The following PCDHA2 variants were observed in gnomAD, a reference collection of about 807,000 sequenced individuals.
The protein encoded by PCDHA2 is protocadherin alpha 2.
Under a neutral mutation model 66.0 loss-of-function variants are expected in PCDHA2, and 58 were observed. That is an observed-to-expected ratio of 0.88 (90% CI 0.71 to 1.09). The LOEUF (loss-of-function observed/expected upper bound fraction) is 1.09. Among genes scored for constraint, PCDHA2 ranks in the 50% least tolerant of loss-of-function variants. PCDHA2 has a pLI of 0.00. For missense variants in PCDHA2, 1,267 were observed against 1,242.3 expected (o/e 1.02, Z -0.30); for synonymous variants, 634 against 554.0 (o/e 1.14, Z -2.03).
At chr5:140,903,183 T>A (rs1392196705) in intron 1 of PCDHA2, among the ~76,000 whole-genome samples, 3 of 152,194 alleles carry the variant, frequency 2.0e-5, no homozygotes, top group Admixed American at 2.0e-4. Flanking sequence ...CCACCAATAG[T>A]ATAAAAGAGT....
At chr5:140,884,410 G>A (rs1562804321) in intron 1 of PCDHA2, 1 of 1,614,004 alleles carries the variant, frequency 6.2e-7, no homozygotes, top group Non-Finnish European at 8.5e-7. Context: ...TGGTGCTCAC[G>A]TTGCTGCTGT....
chr5:140,969,506 G>T, intron 1 of PCDHA2: 1 of 1,427,058 alleles, frequency 7.0e-7, no homozygotes, highest in Non-Finnish European at 9.3e-7. Flanking sequence ...TAGAAAAATA[G>T]CACTAAAGAA....
At chr5:140,984,132 G>A (rs1395953013) in intron 3 of PCDHA2, among the ~76,000 whole-genome samples, 1 of 152,240 alleles carries the variant, frequency 6.6e-6, no homozygotes, top group African/African-American at 2.4e-5. Context: ...GTTGCAGGAT[G>A]TGGAGGCATC....
rs530428922 is a variant in PCDHA2, at chr5:140,875,375, A to G, written c.2388+78023A>G. On this transcript the variant is annotated intron_variant, in intron 1 of 3. Transcript: ENST00000526136. ...TGTGATGCTGGAAAAAATTTACTAA[A>G]TATGTACTTACAGAAAAGGGTGACT... 70 of 1,456,838 alleles carry G rather than the reference A, an allele frequency of 4.8e-5. No individual in the cohort carries two copies. The African/African-American group carries it at 9.9e-4, about 21-fold the overall frequency. The allele number at this position is 1,456,838 out of a possible 1,614,324, so 90.2% of individuals were successfully genotyped here. A position where few individuals can be genotyped will look rare whatever the true frequency, so the allele number is the denominator to read the frequency against.
chr5:140,876,931 A>G lies in PCDHA2; in HGVS notation c.2388+79579A>G, dbSNP rs377563074. The stretch of plus-strand genomic sequence containing the variant: ...GGCATGGGACGCGGACGCGCAGAAG[A>G]ACGCGCTGGTGTCCTACTCGCTGGT... On this transcript the variant is annotated intron_variant, in intron 1 of 3. Coordinates refer to ENST00000526136, the MANE Select transcript of PCDHA2 (RefSeq NM_018905.3). 8 of 1,613,668 alleles carry G rather than the reference A, an allele frequency of 5.0e-6. No individual in the cohort carries two copies. In the African/African-American group the frequency reaches 1.1e-4, roughly 22 times the overall value.
At chr5:140,874,703 A>G (rs782809395) in intron 1 of PCDHA2, among the ~76,000 whole-genome samples, 16 of 152,270 alleles carry the variant, frequency 1.1e-4, no homozygotes, top group Admixed American at 7.2e-4. Flanking sequence ...TATGGAAATG[A>G]GAGCAGTTAT....
chr5:140,848,496 A>C, intron 1 of PCDHA2: 1 of 1,577,756 alleles, frequency 6.3e-7, no homozygotes, highest in South Asian at 1.1e-5. Context: ...AGTATTTGAA[A>C]TGTTATACTC....
At chr5:140,806,150 G>A (rs1763691623) in intron 1 of PCDHA2, among the ~76,000 whole-genome samples, 1 of 152,150 alleles carries the variant, frequency 6.6e-6, no homozygotes, top group Non-Finnish European at 1.5e-5. Flanking sequence ...GTTTTAAGTG[G>A]TTATAAAATG....
chr5:140,896,782 T>C (rs2065751809), intron 1 of PCDHA2, among the ~76,000 whole-genome samples: 1 of 152,206 alleles, frequency 6.6e-6, no homozygotes, highest in African/African-American at 2.4e-5. Context: ...AGTTTGCTGA[T>C]ATTTTCTCCC....
intron 1 of PCDHA2, chr5:140,809,489 G>C: frequency 1.2e-6 from 2 of 1,614,246 alleles, no homozygotes; most frequent in Non-Finnish European, 8.5e-7. Context: ...ACCCAAGACC[G>C]ACCTCATGGC....
intron 1 of PCDHA2, among the ~76,000 whole-genome samples, chr5:140,959,972 AAAG>A (rs1460302752): frequency 2.0e-5 from 3 of 152,328 alleles, no homozygotes; most frequent in South Asian, 4.1e-4. Flanking sequence ...GATGTTACTG[AAAG>A]AAGAAGTTGG....
chr5:140,832,477 ACT>A (rs1371663743), intron 1 of PCDHA2, among the ~76,000 whole-genome samples: 3 of 152,182 alleles, frequency 2.0e-5, no homozygotes, highest in African/African-American at 4.8e-5. Context: ...AAAAAAACTA[ACT>A]CTACATACTT....
At chr5:140,830,011 G>A (rs554678736) in intron 1 of PCDHA2, 2 of 1,613,794 alleles carry the variant, frequency 1.2e-6, no homozygotes, top group African/African-American at 1.3e-5. Flanking sequence ...TGGACGAAGC[G>A]GACTCTCCGC....
intron 3 of PCDHA2, among the ~76,000 whole-genome samples, chr5:141,006,446 C>T (rs2098274720): frequency 1.3e-5 from 2 of 152,066 alleles, no homozygotes; most frequent in South Asian, 4.1e-4. Flanking sequence ...ATCTCCTGAC[C>T]TCGAGATCTG....
intron 1 of PCDHA2, among the ~76,000 whole-genome samples, chr5:140,891,271 G>A (rs782182381): frequency 7.9e-5 from 12 of 151,678 alleles, no homozygotes; most frequent in South Asian, 4.2e-4. Flanking sequence ...TAATTTTTCC[G>A]TAAGTTATTG....
intron 1 of PCDHA2, among the ~76,000 whole-genome samples, chr5:140,878,995 A>G (rs2057802646): frequency 6.6e-6 from 1 of 152,246 alleles, no homozygotes; most frequent in South Asian, 2.1e-4. Context: ...AAATGAGAGT[A>G]TGCCCTAGAA....
chr5:140,969,276 G>T, intron 1 of PCDHA2: 1 of 1,614,202 alleles, frequency 6.2e-7, no homozygotes, highest in Non-Finnish European at 8.5e-7. Context: ...GGCCAAAGTG[G>T]TCAGAATGCT....
chr5:140,897,383 C>T (rs1554187365), intron 1 of PCDHA2, among the ~76,000 whole-genome samples: 1 of 143,902 alleles, frequency 6.9e-6, no homozygotes, highest in African/African-American at 2.6e-5. Flanking sequence ...CTTCCCCTTC[C>T]TGTGTCCATG....
At chr5:140,970,565 T>C (rs1346006828) in intron 1 of PCDHA2, among the ~76,000 whole-genome samples, 2 of 152,182 alleles carry the variant, frequency 1.3e-5, no homozygotes, top group Non-Finnish European at 2.9e-5. Flanking sequence ...TCTCCATATG[T>C]ATGCTTGAAA....
Sources: gnomAD v4.1 joint callset for allele counts (sites outside exome capture counted in the v4.1 genomes callset) on GRCh38, gnomAD v4.1.1 for gene constraint, MANE v1.5 for transcripts, NCBI Gene and HGNC (gene_info 2026-07-23, HGNC 2026-07-21) for gene names.